The following ATXN10 variants were observed in gnomAD, a reference collection of about 807,000 sequenced individuals.
The protein encoded by ATXN10 is ataxin-10.
In ATXN10, 28 loss-of-function variants were observed where a neutral mutation model predicts 52.9. That is an observed-to-expected ratio of 0.53 (90% confidence interval 0.39 to 0.73). ATXN10 has a LOEUF of 0.73. Among genes scored for constraint, ATXN10 ranks in the 30% least tolerant of loss-of-function variants. The pLI is 0.00. For synonymous variants in ATXN10, 226 were observed against 221.5 expected, an observed-to-expected ratio of 1.02 and a Z score of -0.18; for missense variants, 565 against 577.0, an observed-to-expected ratio of 0.98 and a Z score of 0.21.
chr22:45,716,283 G>A (rs531659784), intron 5 of ATXN10, among the ~76,000 whole-genome samples: 6 of 150,586 alleles, frequency 4.0e-5, no homozygotes, highest in South Asian at 2.1e-4. Context: ...CAACAAAAAC[G>A]AAAGCGGCGC....
At chr22:45,687,908 T>C (rs757090448) in intron 1 of ATXN10, among the ~76,000 whole-genome samples, 1 of 152,010 alleles carries the variant, frequency 6.6e-6, no homozygotes, top group Non-Finnish European at 1.5e-5. Context: ...AATACAAAAA[T>C]TAGCCGGGCG....
At chr22:45,776,223 T>C (rs756821759) in intron 9 of ATXN10, among the ~76,000 whole-genome samples, 9 of 152,256 alleles carry the variant, frequency 5.9e-5, no homozygotes, top group Non-Finnish European at 1.3e-4. Context: ...TAAAACTTAA[T>C]GTGGACCATG....
intron 9 of ATXN10, among the ~76,000 whole-genome samples, chr22:45,755,423 A>G (rs915874967): frequency 6.6e-6 from 1 of 152,206 alleles, no homozygotes; most frequent in East Asian, 1.9e-4. Flanking sequence ...CAAGAGACCA[A>G]GGAGGAGCAA....
At position 45,825,862 on chromosome 22, in the gene ATXN10, G is replaced by A. The variant is rs903089046; in HGVS notation, c.1238-17129G>A. Among the ~76,000 whole-genome samples, 4 of 152,148 alleles carry A rather than the reference G, an allele frequency of 2.6e-5. No individual in the cohort carries two copies. In the South Asian group the frequency reaches 8.3e-4, roughly 31 times the overall value. ...ACCAGGGCAGATGGCTTGAGCTCAG[G>A]AGTTTGAGACCAGCCTGGTAACATG... On this transcript the variant is annotated intron_variant, in intron 10 of 11. Coordinates refer to ENST00000252934, the MANE Select transcript of ATXN10 (RefSeq NM_013236.4). This position sits in a 1 kb window ranked among gnomAD's most constrained non-coding sequence, Gnocchi z 4.5.
Position 45,769,497 on chromosome 22 carries a change from G to A in ATXN10, c.1173+28959G>A, listed in dbSNP as rs1488587400. On this transcript the variant is annotated intron_variant, in intron 9 of 11. Coordinates refer to ENST00000252934, the MANE Select transcript of ATXN10 (RefSeq NM_013236.4). This position sits in a 1 kb window ranked among gnomAD's most constrained non-coding sequence, Gnocchi z 4.2. ...GGCTTGGAAAAGAGGTCACCGTGGAGTTGGGCCTTGAGGAATGGTGGGTAG... is the reference window on the plus strand; with the variant it reads ...GGCTTGGAAAAGAGGTCACCGTGGAATTGGGCCTTGAGGAATGGTGGGTAG... 1.3e-5 allele frequency among the ~76,000 whole-genome samples: 2 copies of A among 152,134 alleles called. No homozygotes were observed. The highest frequency in any genetic ancestry group is 2.4e-5 in the African/African-American group (1 of 41,430).
rs1041041049 is a variant in ATXN10 at position 45,757,207 on chromosome 22, C to T, written c.1173+16669C>T. 5.3e-5 allele frequency among the ~76,000 whole-genome samples: 8 copies of T among 152,150 alleles called. No individual in the cohort carries two copies. Among genetic ancestry groups the T allele is most frequent in the Admixed American group, 2.0e-4 (3 of 15,276 alleles). On this transcript the variant is annotated intron_variant, in intron 9 of 11. Transcript: ENST00000252934. The surrounding 1 kb of genome is among the most constrained non-coding windows in gnomAD (Gnocchi z 4.6). ...GTGTTGACAGGAAAAATCCGACTGG[C>T]GGCCTTGGAGCAGTTCGAAGAGAGG...
At chr22:45,707,997 A>G (rs1490997781) in intron 5 of ATXN10, among the ~76,000 whole-genome samples, 2 of 152,166 alleles carry the variant, frequency 1.3e-5, no homozygotes, top group East Asian at 1.9e-4. Context: ...TCATGGTTTC[A>G]TTATGTTTTC....
chr22:45,823,375 G>T lies in ATXN10; in HGVS notation c.1237+16353G>T. ...GGCTTTACAGTTTTGCCTTCTATCT[G>T]GATTTGTAATCTATCAGAATTGTAA... On this transcript the variant is annotated intron_variant, in intron 10 of 11. Transcript: ENST00000252934. The surrounding 1 kb of genome is among the most constrained non-coding windows in gnomAD (Gnocchi z 4.9). 1 of 307,864 alleles carries T rather than the reference G, an allele frequency of 3.2e-6. No homozygotes were observed. The allele number at this position is 307,864 out of a possible 1,614,324, so 19.1% of individuals were successfully genotyped here. A position where few individuals can be genotyped will look rare whatever the true frequency, so the allele number is the denominator to read the frequency against.
At chr22:45,838,736 C>T (rs1929249303) in intron 10 of ATXN10, among the ~76,000 whole-genome samples, 1 of 152,180 alleles carries the variant, frequency 6.6e-6, no homozygotes, top group Non-Finnish European at 1.5e-5. Flanking sequence ...ATATTCATGA[C>T]CCAGGGCTGT....
rs1929061071 is a variant in ATXN10 at position 45,833,525 on chromosome 22, T to C, written c.1238-9466T>C. ...GCTGTACTTCATTAATTTTGAAATA[T>C]CAACAGTGCTAGACGAACACTAATG... On this transcript the variant is annotated intron_variant, in intron 10 of 11. Coordinates refer to ENST00000252934, the MANE Select transcript of ATXN10 (RefSeq NM_013236.4). This position sits in a 1 kb window ranked among gnomAD's most constrained non-coding sequence, Gnocchi z 4.3. Among the ~76,000 whole-genome samples, 1 of 152,234 alleles carries C rather than the reference T, an allele frequency of 6.6e-6. No individual in the cohort carries two copies. Among genetic ancestry groups the C allele is most frequent in the East Asian group, 1.9e-4 (1 of 5,206 alleles).
Position 45,783,866 on chromosome 22 carries a change from G to A in ATXN10, c.1174-23093G>A, listed in dbSNP as rs993554075. Among the ~76,000 whole-genome samples the A allele has an allele frequency of 2.0e-5, 3 of 152,196 alleles. No individual in the cohort carries two copies. The highest frequency in any genetic ancestry group is 4.4e-5 in the Non-Finnish European group (3 of 68,042). On this transcript the variant is annotated intron_variant, in intron 9 of 11. Transcript: ENST00000252934. The surrounding 1 kb of genome is among the most constrained non-coding windows in gnomAD (Gnocchi z 5.0). ...GTGTCATGCTGATGGCACGATTCCC[G>A]AGGGCACCGAGGAAATGGTCAGACT...
rs953148220 is a variant in ATXN10 at position 45,818,879 on chromosome 22, C to T, written c.1237+11857C>T. Among the ~76,000 whole-genome samples the T allele has an allele frequency of 1.9e-4, 29 of 152,286 alleles. No homozygotes were observed. Among genetic ancestry groups the T allele is most frequent in the Non-Finnish European group, 3.5e-4 (24 of 68,024 alleles). On this transcript the variant is annotated intron_variant, in intron 10 of 11. Transcript: ENST00000252934. This position sits in a 1 kb window ranked among gnomAD's most constrained non-coding sequence, Gnocchi z 4.6. The stretch of plus-strand genomic sequence containing the variant: ...GGACCTGCTCCTTAGAGCCAAGCCC[C>T]GTGACTGATGCAGGCTGATGGCAGC...
intron 10 of ATXN10, among the ~76,000 whole-genome samples, chr22:45,809,926 G>C (rs1280759991): frequency 6.6e-6 from 1 of 151,808 alleles, no homozygotes; most frequent in African/African-American, 2.4e-5. Flanking sequence ...TTTACTTTTA[G>C]TCAAATTCAT....
At position 45,705,724 on chromosome 22, in the gene ATXN10, G is replaced by A. The variant is rs549282997; in HGVS notation, c.647+2877G>A. Among the ~76,000 whole-genome samples the A allele has an allele frequency of 2.2e-4, 34 of 152,188 alleles. No individual in the cohort carries two copies. The highest frequency in any genetic ancestry group is 1.3e-3 in the Admixed American group (20 of 15,296). ...GCTGGGATTACAGGCGTGAGCCACC[G>A]CGCCCGGCCTCCACTTGTTACGGGT... On this transcript the variant is annotated intron_variant, in intron 5 of 11. Transcript: ENST00000252934. The surrounding 1 kb of genome is among the most constrained non-coding windows in gnomAD (Gnocchi z 5.2).
intron 10 of ATXN10, among the ~76,000 whole-genome samples, chr22:45,814,708 G>T (rs1928398530): frequency 6.6e-6 from 1 of 152,184 alleles, no homozygotes; most frequent in African/African-American, 2.4e-5. Context: ...CACAGCTGGA[G>T]GTGAGCAAGC....
At position 45,705,610 on chromosome 22, in the gene ATXN10, A is replaced by G. The variant is rs558750727; in HGVS notation, c.647+2763A>G. Among the ~76,000 whole-genome samples, 443 of 151,828 alleles carry G rather than the reference A, an allele frequency of 2.9e-3. 2 individuals carry two copies. The highest frequency in any genetic ancestry group is 8.5e-3 in the South Asian group (41 of 4,800). ...ACCACACCCGGCTAATTTTTTTTGT[A>G]TTTTTAGTAGAGACGGGGTTTCACC... On this transcript the variant is annotated intron_variant, in intron 5 of 11. Coordinates refer to ENST00000252934, the MANE Select transcript of ATXN10 (RefSeq NM_013236.4). The surrounding 1 kb of genome is among the most constrained non-coding windows in gnomAD (Gnocchi z 5.2).
rs1426344317 is a variant in ATXN10 at position 45,828,419 on chromosome 22, G to T, written c.1238-14572G>T. On this transcript the variant is annotated intron_variant, in intron 10 of 11. Transcript: ENST00000252934. The surrounding 1 kb of genome is among the most constrained non-coding windows in gnomAD (Gnocchi z 4.5). The stretch of plus-strand genomic sequence containing the variant: ...GGAAGATAATAAATATTAGGGCAGA[G>T]ATAAAACAAACTAGAGAATAGAAAA... 6.6e-6 allele frequency among the ~76,000 whole-genome samples: 1 copy of T among 151,854 alleles called. No individual in the cohort carries two copies. Among genetic ancestry groups the T allele is most frequent in the Non-Finnish European group, 1.5e-5 (1 of 67,966 alleles).
In ATXN10 at chr22:45,727,995, C is replaced by T. The variant is rs935769590; in HGVS notation, c.729-1430C>T. On this transcript the variant is annotated intron_variant, in intron 6 of 11. Coordinates refer to ENST00000252934, the MANE Select transcript of ATXN10 (RefSeq NM_013236.4). The surrounding 1 kb of genome is among the most constrained non-coding windows in gnomAD (Gnocchi z 4.6). ...GATTCCTTATGTTTTAGGTGAGTCT[C>T]TTGAAGACAGCAGGTATTTGGTTTG... 2.6e-5 allele frequency among the ~76,000 whole-genome samples: 4 copies of T among 151,772 alleles called. No homozygotes were observed.
At chr22:45,698,603 T>C (rs573143622) in intron 3 of ATXN10, among the ~76,000 whole-genome samples, 1 of 152,356 alleles carries the variant, frequency 6.6e-6, no homozygotes, top group East Asian at 1.9e-4. Context: ...GGAACATCTC[T>C]CTATTTATTC....
Sources: allele counts gnomAD v4.1 joint callset (sites outside exome capture counted in the v4.1 genomes callset), GRCh38; gene constraint gnomAD v4.1.1; non-coding constraint Gnocchi (gnomAD v3.1); transcripts MANE v1.5; gene names NCBI Gene and HGNC (gene_info 2026-07-23, HGNC 2026-07-21).